Variants in CASKIN1 observed in about 807,000 individuals in gnomAD.
CASKIN1 encodes caskin-1.
Under a neutral mutation model 117.5 loss-of-function variants are expected in CASKIN1, and 42 were observed. That is an observed-to-expected ratio of 0.36 (90% CI 0.28 to 0.46). CASKIN1 has a LOEUF of 0.46. CASKIN1 is among the 20% of genes least tolerant of loss of function. The probability of loss-of-function intolerance (pLI) is 1.00; values close to 1 mark genes in which losing one functional copy is unlikely to be tolerated. For synonymous variants in CASKIN1, 1,148 were observed against 961.7 expected, an observed-to-expected ratio of 1.19 and a Z score of -3.59; for missense variants, 2,083 against 2,077.3, an observed-to-expected ratio of 1.00 and a Z score of -0.05.
chr16:2,177,747 C>T lies in CASKIN1; in HGVS notation c.*803G>A, dbSNP rs989146956. ...CCACATTCACCAAACCCACCCGCGC[C>T]CTGGGACGCAGCCACGCCAGGAGGA... On this transcript the variant is annotated 3_prime_UTR_variant, in exon 20 of 20. Coordinates refer to ENST00000343516, the MANE Select transcript of CASKIN1 (RefSeq NM_020764.4). 1 of 244,568 alleles carries T rather than the reference C, an allele frequency of 4.1e-6. No homozygotes were observed. Among genetic ancestry groups the T allele is most frequent in the East Asian group, 6.2e-5 (1 of 16,166 alleles). 15.1% of individuals were successfully genotyped at this position (244,568 alleles called of 1,614,324 possible).
At chr16:2,195,167 T>C (rs1469402761) in intron 1 of CASKIN1, among the ~76,000 whole-genome samples, 1 of 152,224 alleles carries the variant, frequency 6.6e-6, no homozygotes, top group Non-Finnish European at 1.5e-5. Context: ...GGGGCCAGCC[T>C]GCAAGGCACC....
rs1318614241 is a variant in CASKIN1 at position 2,180,514 on chromosome 16, G to A, written c.2854C>T (p.Arg952Cys). ...GCACTAGCCAGGGCCGAGCTGGAGCGCTTGGGTGGGGGCGGCGGGGGCCCC... is the reference window on the plus strand; with the variant it reads ...GCACTAGCCAGGGCCGAGCTGGAGCACTTGGGTGGGGGCGGCGGGGGCCCC... ...KKGPPPPPPK[R>C]SSSALASANL... The change falls in exon 18 of 20, where the codon CGC becomes TGC. Residue 952 changes from arginine (R) to cysteine (C), a missense_variant. Physicochemically the swap from Arg to Cys is radical, Grantham distance 180 (BLOSUM62 -3). Around this residue, in one of 3 missense-constraint regions of CASKIN1, gnomAD observed 1,818 missense variants for 1,688.9 expected, o/e 1.08. Transcript: ENST00000343516. 3.9e-6 allele frequency: 6 copies of A among 1,552,174 alleles called. No homozygotes were observed. The highest frequency in any genetic ancestry group is 1.9e-5 in the Admixed American group (1 of 52,758).
At position 2,178,080 on chromosome 16, in the gene CASKIN1, G is replaced by A. The variant is rs761536655; in HGVS notation, c.*470C>T. 1 of 488,984 alleles carries A rather than the reference G, an allele frequency of 2.0e-6. No homozygotes were observed. Among genetic ancestry groups the A allele is most frequent in the Non-Finnish European group, 3.9e-6 (1 of 254,970 alleles). The allele number at this position is 488,984 out of a possible 1,614,324, so 30.3% of individuals were successfully genotyped here. On this transcript the variant is annotated 3_prime_UTR_variant, in exon 20 of 20. Transcript: ENST00000343516. ...AAGTTATACCTTTTTGTTTCTCTGGGGAAATCCGCCTCAGCTCATTCCCAA... is the reference window on the plus strand; with the variant it reads ...AAGTTATACCTTTTTGTTTCTCTGGAGAAATCCGCCTCAGCTCATTCCCAA...
In CASKIN1 at chr16:2,182,136, C is replaced by T. The variant is rs748148029; in HGVS notation, c.1630-207G>A. Among the ~76,000 whole-genome samples the T allele has an allele frequency of 4.6e-5, 7 of 152,154 alleles. No individual in the cohort carries two copies. Among genetic ancestry groups the T allele is most frequent in the Non-Finnish European group, 1.0e-4 (7 of 68,024 alleles). ...CTGCATGCCGCATATCGCACACATG[C>T]GCACACACGCACGGCTGCCCACATC... is the stretch of plus-strand genomic sequence containing the variant. On this transcript the variant is annotated intron_variant, in intron 16 of 19. Transcript: ENST00000343516. The surrounding 1 kb of genome is among the most constrained non-coding windows in gnomAD (Gnocchi z 4.1).
rs772423126 is a variant in CASKIN1 at position 2,178,894 on chromosome 16, G to A, written c.4199+8C>T. 6 of 1,440,026 alleles carry A rather than the reference G, an allele frequency of 4.2e-6. No individual in the cohort carries two copies. Among genetic ancestry groups the A allele is most frequent in the Non-Finnish European group, 3.6e-6 (4 of 1,106,894 alleles). 89.2% of individuals were successfully genotyped at this position (1,440,026 alleles called of 1,614,324 possible). A position where few individuals can be genotyped will look rare whatever the true frequency, so the allele number is the denominator to read the frequency against. On this transcript the variant is annotated splice_region_variant and intron_variant, in intron 19 of 19. Transcript: ENST00000343516. Reference sequence around the variant, plus strand: ...CCCTCCGCCCGCCAGGCCCCGCCCCGCACCTACCGCGGGCCCTGCGCGTCC... The same window carrying A: ...CCCTCCGCCCGCCAGGCCCCGCCCCACACCTACCGCGGGCCCTGCGCGTCC...
Position 2,183,652 on chromosome 16 carries a change from G to A in CASKIN1, c.1623C>T (p.His541=), listed in dbSNP as rs762559379. Residue 541 remains histidine (H), a synonymous_variant, in exon 16 of 20, where the codon CAC becomes CAT. Transcript: ENST00000343516. The stretch of plus-strand genomic sequence containing the variant: ...GGGATGCAGGTGGCCTTACGGGTTT[G>A]TGCTCAGGCAGCCAGTCAGGGATGC... ...GLSIPDWLPE[H]KPANLAVWLS... is the part of the protein sequence containing the mutation. The A allele has an allele frequency of 5.6e-6, 9 of 1,613,172 alleles. No individual in the cohort carries two copies. The South Asian group carries it at 9.9e-5, about 18-fold the overall frequency.
chr16:2,191,810 C>A (rs938659948), intron 1 of CASKIN1, among the ~76,000 whole-genome samples: 1 of 152,246 alleles, frequency 6.6e-6, no homozygotes, highest in Non-Finnish European at 1.5e-5. Context: ...TCCGTCAGCT[C>A]TGCCTCCCAG....
chr16:2,190,217 C>G (rs776494070), intron 2 of CASKIN1, 47 bp from the exon 3 acceptor site: 33 of 1,603,594 alleles, frequency 2.1e-5, no homozygotes, highest in Non-Finnish European at 2.7e-5. Context: ...GGCGCCCCGG[C>G]CTTCCCGGCA....
In CASKIN1 at chr16:2,196,078, G is replaced by A. The variant is rs1488164813; in HGVS notation, c.94+261C>T. On this transcript the variant is annotated intron_variant, in intron 1 of 19. Coordinates refer to ENST00000343516, the MANE Select transcript of CASKIN1 (RefSeq NM_020764.4). The surrounding 1 kb of genome is among the most constrained non-coding windows in gnomAD (Gnocchi z 5.7). ...GACAGAGGTAGAGAGAGAGGGATGC[G>A]AACGCCCGCGGCCCGGGAGGCGGGT... Among the ~76,000 whole-genome samples, 1 of 152,058 alleles carries A rather than the reference G, an allele frequency of 6.6e-6. No individual in the cohort carries two copies. Among genetic ancestry groups the A allele is most frequent in the African/African-American group, 2.4e-5 (1 of 41,444 alleles).
At chr16:2,190,954 G>A (rs958457082) in intron 1 of CASKIN1, among the ~76,000 whole-genome samples, 3 of 152,310 alleles carry the variant, frequency 2.0e-5, no homozygotes, top group Admixed American at 2.0e-4. Flanking sequence ...GCGAACGGCT[G>A]CCTGCTCCCT....
chr16:2,186,754 A>T lies in CASKIN1; in HGVS notation c.1001T>A (p.Val334Glu). ...IHDNRTGNDR[V>E]GYFPSSLGEA... ...GCCCAGGGAGGACGGGAAGTAGCCC[A>T]CCCGGTCATTGCCCGTCCGGTTGTC... is the stretch of plus-strand genomic sequence containing the variant. The change falls in exon 10 of 20, where the codon GTG (valine) becomes GAG (glutamate). Residue 334 changes from valine to glutamate, a missense_variant. By Grantham distance (121) the Val-to-Glu change is moderately radical. Coordinates refer to ENST00000343516, the MANE Select transcript of CASKIN1 (RefSeq NM_020764.4). The T allele has an allele frequency of 6.2e-7, 1 of 1,612,910 alleles. No homozygotes were observed. The highest frequency in any genetic ancestry group is 1.1e-5 in the South Asian group (1 of 91,084).
At position 2,178,095 on chromosome 16, in the gene CASKIN1, C is replaced by T. The variant is rs571858506; in HGVS notation, c.*455G>A. 2.6e-5 allele frequency: 13 copies of T among 503,228 alleles called. No homozygotes were observed. The highest frequency in any genetic ancestry group is 4.6e-5 in the Non-Finnish European group (12 of 260,378). 31.2% of individuals were successfully genotyped at this position (503,228 alleles called of 1,614,324 possible). A position where few individuals can be genotyped will look rare whatever the true frequency, so the allele number is the denominator to read the frequency against. On this transcript the variant is annotated 3_prime_UTR_variant, in exon 20 of 20. Coordinates refer to ENST00000343516, the MANE Select transcript of CASKIN1 (RefSeq NM_020764.4). ...GTTTCTCTGGGGAAATCCGCCTCAG[C>T]TCATTCCCAATAAATTAATACTCTT...
At chr16:2,192,674 T>C (rs896077597) in intron 1 of CASKIN1, among the ~76,000 whole-genome samples, 2 of 152,012 alleles carry the variant, frequency 1.3e-5, no homozygotes, top group African/African-American at 4.8e-5. Context: ...GCCCTCCCCA[T>C]CCGAAGTGAC....
intron 10 of CASKIN1, among the ~76,000 whole-genome samples, chr16:2,186,378 G>A (rs748620329): frequency 2.5e-4 from 38 of 152,220 alleles, no homozygotes; most frequent in Admixed American, 1.4e-3. Context: ...CCTGTGCTCC[G>A]GGTCACATGT....
In CASKIN1 at chr16:2,196,542, C is replaced by T. The variant is rs2093217160; in HGVS notation, c.-110G>A. ...CCTCCCCCGCCGCCTCCCCCGCCGC[C>T]TCCTCGCCGCCCGCCGCCCCTTCGC... On this transcript the variant is annotated 5_prime_UTR_variant, in exon 1 of 20. Transcript: ENST00000343516. This position sits in a 1 kb window ranked among gnomAD's most constrained non-coding sequence, Gnocchi z 5.7. 5 of 282,054 alleles carry T rather than the reference C, an allele frequency of 1.8e-5. No homozygotes were observed. The highest frequency in any genetic ancestry group is 2.3e-5 in the African/African-American group (1 of 43,214). 17.5% of individuals were successfully genotyped at this position (282,054 alleles called of 1,614,324 possible). A position where few individuals can be genotyped will look rare whatever the true frequency, so the allele number is the denominator to read the frequency against.
chr16:2,179,742 G>A lies in CASKIN1; in HGVS notation c.3626C>T (p.Pro1209Leu), dbSNP rs1272130524. 3.2e-6 allele frequency: 5 copies of A among 1,558,598 alleles called. No homozygotes were observed. In the East Asian group the frequency reaches 7.1e-5, roughly 22 times the overall value. Residue 1209 changes from proline to leucine, a missense_variant, in exon 18 of 20, where the codon CCC becomes CTC. By Grantham distance (98) the Pro-to-Leu change is moderately conservative. Around this residue, in one of 3 missense-constraint regions of CASKIN1, gnomAD observed 1,818 missense variants for 1,688.9 expected, o/e 1.08. Transcript: ENST00000343516. This position sits in a 1 kb window ranked among gnomAD's most constrained non-coding sequence, Gnocchi z 5.8. Reference sequence around the variant, plus strand: ...TTCGCCCTCGGGCGGGGGCAATGGGGGTAGGTGCGCCAGGTCGGTGGGCGG... The same window carrying A: ...TTCGCCCTCGGGCGGGGGCAATGGGAGTAGGTGCGCCAGGTCGGTGGGCGG... ...EPPPTDLAHL[P>L]PLPPPEGEAR... is the part of the protein sequence containing the mutation.
In CASKIN1 at chr16:2,177,872, G is replaced by A. The variant is rs2093147001; in HGVS notation, c.*678C>T. On this transcript the variant is annotated 3_prime_UTR_variant, in exon 20 of 20. Coordinates refer to ENST00000343516, the MANE Select transcript of CASKIN1 (RefSeq NM_020764.4). ...AGCCCCCGGCAGAGCACCCGCCCCCGGGCCCCAGCCTTCCACCTGTGCTAG... is the reference window on the plus strand; with the variant it reads ...AGCCCCCGGCAGAGCACCCGCCCCCAGGCCCCAGCCTTCCACCTGTGCTAG... The A allele has an allele frequency of 3.5e-6, 1 of 288,982 alleles. No homozygotes were observed. Among genetic ancestry groups the A allele is most frequent in the African/African-American group, 2.2e-5 (1 of 45,462 alleles). The allele number at this position is 288,982 out of a possible 1,614,324, so 17.9% of individuals were successfully genotyped here. A position where few individuals can be genotyped will look rare whatever the true frequency, so the allele number is the denominator to read the frequency against.
At chr16:2,186,464 G>T (rs1365745949) in intron 10 of CASKIN1, among the ~76,000 whole-genome samples, 1 of 152,188 alleles carries the variant, frequency 6.6e-6, no homozygotes, top group Admixed American at 6.5e-5. Flanking sequence ...GTCCCCATCT[G>T]TTCTAGTGGC....
intron 3 of CASKIN1, 66 bp from the exon 4 acceptor site, chr16:2,189,630 G>T (rs1243629225): frequency 6.6e-6 from 10 of 1,512,038 alleles, no homozygotes; most frequent in Non-Finnish European, 8.8e-6. Context: ...GGATAGGGGG[G>T]TGCTGGGACC....
Sources: gnomAD v4.1 joint callset for allele counts (sites outside exome capture counted in the v4.1 genomes callset) on GRCh38, gnomAD v4.1.1 for gene constraint, gnomAD v4.1.1 regional missense constraint, Gnocchi (gnomAD v3.1) non-coding constraint, MANE v1.5 for transcripts, NCBI Gene and HGNC (gene_info 2026-07-23, HGNC 2026-07-21) for gene names.